PKP4: variants seen among roughly 807,000 people sequenced by gnomAD.
PKP4 encodes the protein plakophilin-4.
A neutral mutation model predicts 145.1 loss-of-function variants in PKP4; 90 were observed. The ratio of observed to expected loss-of-function variants is 0.62; its 90% confidence interval spans 0.52 to 0.74. PKP4 has a LOEUF of 0.74. Ranked by LOEUF, PKP4 falls within the 30% of genes least tolerant of loss-of-function variation. PKP4 has a pLI of 0.00. For synonymous variants in PKP4, 563 were observed against 577.2 expected, an observed-to-expected ratio of 0.98 and a Z score of 0.35; for missense variants, 1,340 against 1,482.7, an observed-to-expected ratio of 0.90 and a Z score of 1.58.
At chr2:158,563,614 T>G (rs1022221090) in intron 2 of PKP4, among the ~76,000 whole-genome samples, 3 of 152,212 alleles carry the variant, frequency 2.0e-5, no homozygotes, top group Non-Finnish European at 4.4e-5. Flanking sequence ...TTGGGTTGTT[T>G]CCAGTTTTAT....
intron 4 of PKP4, among the ~76,000 whole-genome samples, chr2:158,606,983 A>AT (rs774231397): frequency 4.4e-4 from 67 of 152,190 alleles, no homozygotes; most frequent in Non-Finnish European, 7.4e-4. Flanking sequence ...ATTTTTTCTT[A>AT]TTTTTTACTA....
At chr2:158,530,951 G>A (rs1024625755) in intron 1 of PKP4, among the ~76,000 whole-genome samples, 3 of 151,932 alleles carry the variant, frequency 2.0e-5, no homozygotes, top group Non-Finnish European at 4.4e-5. Context: ...CTTGACTTTA[G>A]CATTACTCCT....
intron 1 of PKP4, among the ~76,000 whole-genome samples, chr2:158,479,171 A>G (rs1272231734): frequency 6.6e-6 from 1 of 152,098 alleles, no homozygotes; most frequent in Non-Finnish European, 1.5e-5. Context: ...TTTAGATATT[A>G]AACATTAGCT....
chr2:158,579,152 A>G (rs953081882), intron 3 of PKP4, among the ~76,000 whole-genome samples: 24 of 152,322 alleles, frequency 1.6e-4, no homozygotes, highest in African/African-American at 4.8e-4. Flanking sequence ...CAGTGAGAAA[A>G]TGGCACCACT....
intron 3 of PKP4, among the ~76,000 whole-genome samples, chr2:158,579,207 A>G (rs2024039): frequency 0.91 from 138,090 of 152,152 alleles, 62,776 homozygotes; most frequent in East Asian, 0.97. Flanking sequence ...AAATTTATGA[A>G]TGACATCAGC....
chr2:158,472,376 G>A (rs866088495), intron 1 of PKP4, among the ~76,000 whole-genome samples: 48 of 152,080 alleles, frequency 3.2e-4, no homozygotes, highest in African/African-American at 9.4e-4. Context: ...TTGGGAGGCC[G>A]AGGCGGGCAG....
At chr2:158,655,172 T>A (rs565408589) in intron 11 of PKP4, among the ~76,000 whole-genome samples, 25 of 152,348 alleles carry the variant, frequency 1.6e-4, no homozygotes, top group African/African-American at 5.5e-4. Flanking sequence ...TACCATTGTT[T>A]ACATTGATTT....
intron 15 of PKP4, among the ~76,000 whole-genome samples, chr2:158,664,011 C>T (rs1232467651): frequency 1.3e-5 from 2 of 152,198 alleles, no homozygotes; most frequent in African/African-American, 4.8e-5. Flanking sequence ...CATGGATAGG[C>T]CTGAAGGCCA....
At chr2:158,552,244 C>T (rs768044948) in intron 2 of PKP4, among the ~76,000 whole-genome samples, 2 of 152,210 alleles carry the variant, frequency 1.3e-5, no homozygotes, top group Non-Finnish European at 2.9e-5. Context: ...CCTACAGCCT[C>T]TGGAATGAGT....
At chr2:158,485,049 C>T (rs1693970406) in intron 1 of PKP4, among the ~76,000 whole-genome samples, 1 of 152,192 alleles carries the variant, frequency 6.6e-6, no homozygotes, top group African/African-American at 2.4e-5. Flanking sequence ...AGGTCACTTT[C>T]CTACCTGAAT....
Position 158,631,811 on chromosome 2 carries a change from C to T in PKP4, c.1212C>T (p.Ala404=), listed in dbSNP as rs747005194. 17 of 1,614,064 alleles carry T rather than the reference C, an allele frequency of 1.1e-5. No homozygotes were observed. Among genetic ancestry groups the T allele is most frequent in the Middle Eastern group, 1.7e-4 (1 of 6,056 alleles). The change falls in exon 8 of 22, where the codon GCC becomes GCT. Residue 404 remains alanine, a synonymous_variant. Transcript: ENST00000389759. ...HSQLGQDLRS[A]VSPDLHITPI... ...AGCTTGGGCAAGACCTTCGTTCTGCCGTGTCTCCCGACTTGCACATTACTC... is the reference window on the plus strand; with the variant it reads ...AGCTTGGGCAAGACCTTCGTTCTGCTGTGTCTCCCGACTTGCACATTACTC...
intron 1 of PKP4, among the ~76,000 whole-genome samples, chr2:158,510,894 G>C (rs868017748): frequency 6.6e-6 from 1 of 152,236 alleles, no homozygotes; most frequent in South Asian, 2.1e-4. Flanking sequence ...GATTTTGCCC[G>C]AGATTTCTTT....
intron 1 of PKP4, among the ~76,000 whole-genome samples, chr2:158,465,955 A>G (rs1453291849): frequency 6.6e-6 from 1 of 152,244 alleles, no homozygotes; most frequent in Non-Finnish European, 1.5e-5. Flanking sequence ...AAATCTTCGG[A>G]TAGTATATCG....
chr2:158,554,207 A>G (rs2045876936), intron 2 of PKP4, among the ~76,000 whole-genome samples: 1 of 151,884 alleles, frequency 6.6e-6, no homozygotes, highest in Non-Finnish European at 1.5e-5. Flanking sequence ...ACTCACTGTC[A>G]TTCGCTGAAG....
At chr2:158,571,397 A>T (rs899207375) in intron 2 of PKP4, among the ~76,000 whole-genome samples, 5 of 152,170 alleles carry the variant, frequency 3.3e-5, no homozygotes, top group Admixed American at 3.3e-4. Context: ...TATAACATAT[A>T]CTGACAGCAA....
At chr2:158,624,466 G>C (rs1257024322) in intron 6 of PKP4, among the ~76,000 whole-genome samples, 1 of 152,080 alleles carries the variant, frequency 6.6e-6, no homozygotes, top group Non-Finnish European at 1.5e-5. Context: ...CATTGCCTTG[G>C]CCAAACTTTG....
intron 1 of PKP4, among the ~76,000 whole-genome samples, chr2:158,512,521 T>A (rs1349653116): frequency 2.0e-5 from 3 of 152,246 alleles, no homozygotes; most frequent in Non-Finnish European, 4.4e-5. Context: ...GGTGTGCCCA[T>A]GTGGCATGGA....
chr2:158,611,502 G>A (rs1460386199), intron 4 of PKP4, among the ~76,000 whole-genome samples: 1 of 152,182 alleles, frequency 6.6e-6, no homozygotes, highest in Admixed American at 6.5e-5. Flanking sequence ...AAATGAGAAA[G>A]TAGTCCTAAG....
chr2:158,594,537 T>C (rs562086749), intron 3 of PKP4, among the ~76,000 whole-genome samples: 1 of 152,254 alleles, frequency 6.6e-6, no homozygotes, highest in East Asian at 1.9e-4. Flanking sequence ...GCCATTCTGA[T>C]GAAAAGCCAG....
Sources: gnomAD v4.1 joint callset for allele counts (sites outside exome capture counted in the v4.1 genomes callset) on GRCh38, gnomAD v4.1.1 for gene constraint, MANE v1.5 for transcripts, NCBI Gene and HGNC (gene_info 2026-07-23, HGNC 2026-07-21) for gene names.